Variants in ATAD2B observed in about 807,000 individuals in gnomAD.
ATAD2B encodes ATPase family AAA domain-containing protein 2B.
In ATAD2B, 40 loss-of-function variants were observed where a neutral mutation model predicts 167.6. That is an observed-to-expected ratio of 0.24 (90% confidence interval 0.19 to 0.31). The LOEUF is 0.31. Ranked by LOEUF, ATAD2B falls within the 10% of genes least tolerant of loss-of-function variation. ATAD2B has a pLI of 1.00. For missense variants in ATAD2B, 1,242 were observed against 1,757.2 expected (o/e 0.71, Z 5.24); for synonymous variants, 579 against 596.5 (o/e 0.97, Z 0.43).
At chr2:23,788,388 G>T in intron 20 of ATAD2B, 124 bp downstream of exon 20, 1 of 1,098,096 alleles carries the variant, frequency 9.1e-7, no homozygotes, top group Non-Finnish European at 1.3e-6. Context: ...GTCATCTAAA[G>T]ATAAACAGAA....
At chr2:23,764,203 T>G (rs904193366) in intron 23 of ATAD2B, among the ~76,000 whole-genome samples, 2 of 152,196 alleles carry the variant, frequency 1.3e-5, no homozygotes, top group Non-Finnish European at 2.9e-5. Flanking sequence ...TCCAACAGCT[T>G]TTAAACTGAT....
intron 20 of ATAD2B, chr2:23,788,261 GT>G (rs1341340099): frequency 2.4e-6 from 1 of 413,400 alleles, no homozygotes; most frequent in African/African-American, 2.0e-5. Flanking sequence ...GCCCCATAAT[GT>G]GACATCTACC....
At chr2:23,834,173 T>TC (rs1689533775) in intron 13 of ATAD2B, 95 bp from the exon 14 acceptor site, 1 of 920,776 alleles carries the variant, frequency 1.1e-6, no homozygotes, top group Non-Finnish European at 1.5e-6. Context: ...TTTTTTTTTT[T>TC]TTTTTTGAGA....
the ATAD2B span, among the ~76,000 whole-genome samples, chr2:23,741,186 G>T: frequency 6.6e-6 from 1 of 151,720 alleles, no homozygotes; most frequent in African/African-American, 2.4e-5. Flanking sequence ...TTTCTTCACA[G>T]AATTGGAAAA....
rs916575819 is a variant in ATAD2B at position 23,766,589 on chromosome 2, A to T, written c.3134-961T>A. Among the ~76,000 whole-genome samples, 20 of 152,314 alleles carry T rather than the reference A, an allele frequency of 1.3e-4. 1 individual carries two copies. In the East Asian group the frequency reaches 2.5e-3, roughly 19 times the overall value. ...ACACATTTTCTCTAAACATTCACTC[A>T]ACAAATGTTGTCGACTGCACCAGGG... is the stretch of plus-strand genomic sequence containing the variant. On this transcript the variant is annotated intron_variant, in intron 22 of 27. Transcript: ENST00000238789.
At chr2:23,902,598 T>G (rs1230588813) in intron 1 of ATAD2B, among the ~76,000 whole-genome samples, 1 of 152,138 alleles carries the variant, frequency 6.6e-6, no homozygotes, top group African/African-American at 2.4e-5. Context: ...ACAAAGATAT[T>G]TAAAAGATTA....
intron 1 of ATAD2B, among the ~76,000 whole-genome samples, chr2:23,921,252 A>G (rs554337591): frequency 3.2e-4 from 49 of 151,288 alleles, no homozygotes; most frequent in Non-Finnish European, 5.9e-4. Flanking sequence ...AATCCACTCA[A>G]GTTGATTATG....
intron 18 of ATAD2B, chr2:23,800,040 A>C (rs1683228489): frequency 6.6e-6 from 1 of 152,002 alleles, no homozygotes; most frequent in Admixed American, 6.6e-5. Context: ...TATTGGCAAA[A>C]GGAAAGAACC....
At chr2:23,903,266 A>AAATAAATAAATG (rs1326369463) in intron 1 of ATAD2B, among the ~76,000 whole-genome samples, 2 of 151,774 alleles carry the variant, frequency 1.3e-5, no homozygotes, top group Admixed American at 1.3e-4. Flanking sequence ...ATAAATAAAT[A>AAATAAATAAATG]AATGTTGTTT....
chr2:23,926,615 G>C lies in ATAD2B; in HGVS notation c.156C>G (p.Ser52Arg). The change falls in exon 1 of 28, where the codon AGC becomes AGG. Residue 52 changes from serine to arginine, a missense_variant. This residue lies in a region of ATAD2B where 199 missense variants were observed against 194.9 expected (regional missense o/e 1.02). Transcript: ENST00000238789. Reference sequence around the variant, plus strand: ...TTCCCCCGGCTTTGGCGGCGGGGCAGCTGGCGGCGCGGGTCTTGGAGGAGC... The same window carrying C: ...TTCCCCCGGCTTTGGCGGCGGGGCACCTGGCGGCGCGGGTCTTGGAGGAGC... ...RTRSSKTRAA[S>R]CPAAKAGGSG... 1 of 1,563,886 alleles carries C rather than the reference G, an allele frequency of 6.4e-7. No homozygotes were observed. The highest frequency in any genetic ancestry group is 1.4e-5 in the African/African-American group (1 of 73,704).
At position 23,857,439 on chromosome 2, in the gene ATAD2B, G is replaced by C. The variant is rs771391389; in HGVS notation, c.1544C>G (p.Ser515Cys). Residue 515 changes from serine (S) to cysteine (C), a missense_variant, in exon 13 of 28, where the codon TCT becomes TGT. Coordinates refer to ENST00000238789, the MANE Select transcript of ATAD2B (RefSeq NM_017552.4). Reference protein sequence around the residue: ...DEIDGLAPVRSSRQDQIHSSI... With the variant: ...DEIDGLAPVRCSRQDQIHSSI... ...CCTGTGGATCTGATCTTGTCTGCTAGAGCGAACTGGAGCTAATCCATCTAT... is the reference window on the plus strand; with the variant it reads ...CCTGTGGATCTGATCTTGTCTGCTACAGCGAACTGGAGCTAATCCATCTAT... 2.6e-6 allele frequency: 4 copies of C among 1,517,004 alleles called. No individual in the cohort carries two copies. The highest frequency in any genetic ancestry group is 8.8e-7 in the Non-Finnish European group (1 of 1,138,862). The allele number at this position is 1,517,004 out of a possible 1,614,324, so 94.0% of individuals were successfully genotyped here.
In ATAD2B at chr2:23,927,093, G is replaced by C. The variant is rs1235762951; in HGVS notation, c.-323C>G. The C allele has an allele frequency of 7.3e-6, 2 of 273,274 alleles. No individual in the cohort carries two copies. Among genetic ancestry groups the C allele is most frequent in the African/African-American group, 4.4e-5 (2 of 45,134 alleles). The allele number at this position is 273,274 out of a possible 1,614,324, so 16.9% of individuals were successfully genotyped here. A position where few individuals can be genotyped will look rare whatever the true frequency, so the allele number is the denominator to read the frequency against. Reference sequence around the variant, plus strand: ...CCGTTCTCGCTCTCGAGCTCCGTGCGTCAAGGCTCCAGCGCCGCAGGGCCA... The same window carrying C: ...CCGTTCTCGCTCTCGAGCTCCGTGCCTCAAGGCTCCAGCGCCGCAGGGCCA... On this transcript the variant is annotated 5_prime_UTR_variant, in exon 1 of 28. Coordinates refer to ENST00000238789, the MANE Select transcript of ATAD2B (RefSeq NM_017552.4).
the ATAD2B span, among the ~76,000 whole-genome samples, chr2:23,714,647 G>A: frequency 6.6e-6 from 1 of 151,748 alleles, no homozygotes; most frequent in Non-Finnish European, 1.5e-5. Context: ...TTGAGGTCAG[G>A]AGTTCAAGAC....
chr2:23,906,668 C>A (rs150399032), intron 1 of ATAD2B, among the ~76,000 whole-genome samples: 28,007 of 151,168 alleles, frequency 0.19, 2,726 homozygotes, highest in Middle Eastern at 0.26. Context: ...CAACCAAAAA[C>A]GAGAATTTTA....
chr2:23,770,569 C>CA (rs1367909082), intron 22 of ATAD2B, among the ~76,000 whole-genome samples: 1 of 152,118 alleles, frequency 6.6e-6, no homozygotes, highest in Non-Finnish European at 1.5e-5. Flanking sequence ...TGCTGATATC[C>CA]AATTGTTCCA....
intron 18 of ATAD2B, among the ~76,000 whole-genome samples, chr2:23,808,068 A>ATAAGTAATTATATATATAATTAT (rs1553398229): frequency 3.3e-5 from 2 of 60,952 alleles, no homozygotes; most frequent in Non-Finnish European, 5.7e-5. Flanking sequence ...TATAAATTAT[A>ATAAGTAATTATATATATAATTAT]ATATATAAGT....
In ATAD2B at chr2:23,926,991, G is replaced by T. The variant is rs1206619864; in HGVS notation, c.-221C>A. 3.7e-6 allele frequency: 2 copies of T among 535,766 alleles called. No individual in the cohort carries two copies. The highest frequency in any genetic ancestry group is 6.9e-5 in the East Asian group (2 of 29,004). 33.2% of individuals were successfully genotyped at this position (535,766 alleles called of 1,614,324 possible). Reference sequence around the variant, plus strand: ...GGAAGCGGGGGCGGTGCTGCAGACCGGCAGCACAGACACTCCGCCGGCTTC... The same window carrying T: ...GGAAGCGGGGGCGGTGCTGCAGACCTGCAGCACAGACACTCCGCCGGCTTC... On this transcript the variant is annotated 5_prime_UTR_variant, in exon 1 of 28. Coordinates refer to ENST00000238789, the MANE Select transcript of ATAD2B (RefSeq NM_017552.4).
chr2:23,733,760 T>C, the ATAD2B span, among the ~76,000 whole-genome samples: 34 of 152,146 alleles, frequency 2.2e-4, no homozygotes, highest in Non-Finnish European at 3.7e-4. Context: ...TGATTCTACC[T>C]CTAAATTTCC....
chr2:23,832,672 C>T (rs1689250176), intron 14 of ATAD2B: 1 of 153,282 alleles, frequency 6.5e-6, no homozygotes, highest in Admixed American at 6.5e-5. Flanking sequence ...CTGTTAAACC[C>T]TTGATTTGTG....
Sources: allele counts gnomAD v4.1 joint callset (sites outside exome capture counted in the v4.1 genomes callset), GRCh38; gene constraint gnomAD v4.1.1; regional missense constraint gnomAD v4.1.1; transcripts MANE v1.5; gene names NCBI Gene and HGNC (gene_info 2026-07-23, HGNC 2026-07-21).